Variants in KMT2E observed in about 807,000 individuals in gnomAD.
KMT2E encodes the protein lysine methyltransferase 2E (inactive).
A neutral mutation model predicts 184.6 loss-of-function variants in KMT2E; 30 were observed. The observed-to-expected ratio is 0.16, with a 90% CI of 0.12 to 0.22. The LOEUF is 0.22. Ranked by LOEUF, KMT2E falls within the 10% of genes least tolerant of loss-of-function variation. The probability of loss-of-function intolerance (pLI) is 1.00; values close to 1 mark genes in which losing one functional copy is unlikely to be tolerated. For synonymous variants in KMT2E, 815 were observed against 776.5 expected (o/e 1.05, Z -0.82); for missense variants, 2,023 against 2,237.4 (o/e 0.90, Z 1.93).
At chr7:105,017,378 G>A (rs1351426305) in intron 1 of KMT2E, among the ~76,000 whole-genome samples, 2 of 148,554 alleles carry the variant, frequency 1.3e-5, no homozygotes, top group Admixed American at 6.6e-5. Context: ...TTGCTTTATT[G>A]CTTTAGGTTT....
intron 2 of KMT2E, among the ~76,000 whole-genome samples, chr7:105,038,737 A>T (rs1393384961): frequency 2.0e-5 from 3 of 152,096 alleles, no homozygotes; most frequent in African/African-American, 4.8e-5. Flanking sequence ...TTCCCTTTTT[A>T]AAAAAACTAT....
intron 1 of KMT2E, among the ~76,000 whole-genome samples, chr7:105,029,728 C>G (rs1453108688): frequency 6.6e-6 from 1 of 152,118 alleles, no homozygotes; most frequent in Non-Finnish European, 1.5e-5. Flanking sequence ...GAAAGTTTCA[C>G]TTTGAAGGCT....
At chr7:105,067,852 G>C (rs538090379) in intron 6 of KMT2E, among the ~76,000 whole-genome samples, 1 of 152,182 alleles carries the variant, frequency 6.6e-6, no homozygotes, top group South Asian at 2.1e-4. Flanking sequence ...CACATCTGTA[G>C]TCCTAGCTGC....
At chr7:105,040,393 A>G (rs1187669285) in intron 2 of KMT2E, among the ~76,000 whole-genome samples, 3 of 152,180 alleles carry the variant, frequency 2.0e-5, no homozygotes, top group African/African-American at 7.2e-5. Context: ...CTCAGTGGTA[A>G]AATGGAGATA....
chr7:105,079,584 T>G (rs904248230), intron 12 of KMT2E, among the ~76,000 whole-genome samples: 1 of 132,002 alleles, frequency 7.6e-6, no homozygotes, highest in Non-Finnish European at 1.6e-5. Context: ...TGTGGTGTCA[T>G]GAGCACAGCT....
intron 3 of KMT2E, among the ~76,000 whole-genome samples, chr7:105,045,225 G>C (rs1399646890): frequency 1.3e-5 from 2 of 152,176 alleles, no homozygotes; most frequent in African/African-American, 2.4e-5. Context: ...TACATTGCCC[G>C]ATCTTGCAGC....
At chr7:105,051,852 G>T (rs1796362876) in intron 3 of KMT2E, among the ~76,000 whole-genome samples, 1 of 152,126 alleles carries the variant, frequency 6.6e-6, no homozygotes, top group South Asian at 2.1e-4. Flanking sequence ...ACTTCACAAA[G>T]TGCTGGGATT....
rs1796854346 is a variant in KMT2E at position 105,062,395 on chromosome 7, A to G, written c.186+117A>G. On this transcript the variant is annotated intron_variant, in intron 4 of 26. Transcript: ENST00000311117. ...AAAAGCATGGTTGTTTCATACTATC[A>G]AAATAATTAGGCGTTTAATTTTTCA... 2.3e-5 allele frequency: 13 copies of G among 572,110 alleles called. No individual in the cohort carries two copies. The South Asian group carries it at 2.8e-4, about 12-fold the overall frequency. The allele number at this position is 572,110 out of a possible 1,614,324, so 35.4% of individuals were successfully genotyped here.
chr7:105,100,181 GA>G (rs1328857335), intron 15 of KMT2E, among the ~76,000 whole-genome samples: 1 of 152,146 alleles, frequency 6.6e-6, no homozygotes, highest in Non-Finnish European at 1.5e-5. Context: ...TTGCAATATG[GA>G]AATTTGCTGT....
chr7:105,086,711 C>G (rs984819224), intron 13 of KMT2E, among the ~76,000 whole-genome samples: 8 of 147,054 alleles, frequency 5.4e-5, no homozygotes, highest in African/African-American at 1.5e-4. Flanking sequence ...GGTGACAGAG[C>G]GAGACTCCAT....
At chr7:105,035,073 G>A (rs1229512762) in intron 1 of KMT2E, among the ~76,000 whole-genome samples, 6 of 144,476 alleles carry the variant, frequency 4.2e-5, no homozygotes, top group African/African-American at 1.6e-4. Context: ...TGCCCAGGCT[G>A]GGGTGCAGTG....
chr7:105,107,573 T>C lies in KMT2E; in HGVS notation c.3116T>C (p.Leu1039Pro), dbSNP rs770470810. ...GAGCCAACTGCCCTACATAAAACCC[T>C]GGAAACGCCTGCACATGACAGGGCT... ...AVEPTALHKT[L>P]ETPAHDRAEP... The change falls in exon 22 of 27, where the codon CTG becomes CCG. Residue 1039 changes from leucine to proline, a missense_variant. By Grantham distance (98) the Leu-to-Pro change is moderately conservative (BLOSUM62 -3). Transcript: ENST00000311117. The C allele has an allele frequency of 7.4e-6, 12 of 1,614,076 alleles. No homozygotes were observed. In the South Asian group the frequency reaches 1.2e-4, roughly 16 times the overall value.
At chr7:105,021,435 CCTT>C (rs1456172669) in intron 1 of KMT2E, among the ~76,000 whole-genome samples, 1 of 152,166 alleles carries the variant, frequency 6.6e-6, no homozygotes, top group Non-Finnish European at 1.5e-5. Context: ...GTTTATTTCA[CCTT>C]CTTAAAAGCC....
At position 105,114,797 on chromosome 7, in the gene KMT2E, C is replaced by T. The variant is rs987297726; in HGVS notation, c.*1464C>T. 2.0e-5 allele frequency among the ~76,000 whole-genome samples: 3 copies of T among 152,142 alleles called. No homozygotes were observed. The highest frequency in any genetic ancestry group is 4.4e-5 in the Non-Finnish European group (3 of 68,024). On this transcript the variant is annotated 3_prime_UTR_variant, in exon 27 of 27. Coordinates refer to ENST00000311117, the MANE Select transcript of KMT2E (RefSeq NM_182931.3). Reference sequence around the variant, plus strand: ...TTTTGAAAATTAGCTAATGATGGTACATTAACGCAGCTCACTTAGGGCTCA... The same window carrying T: ...TTTTGAAAATTAGCTAATGATGGTATATTAACGCAGCTCACTTAGGGCTCA...
intron 3 of KMT2E, among the ~76,000 whole-genome samples, chr7:105,054,865 TTGGACTC>T (rs1467663743): frequency 3.3e-5 from 5 of 152,150 alleles, no homozygotes; most frequent in African/African-American, 4.8e-5. Context: ...AGTTACCACT[TTGGACTC>T]TGGATGCCAT....
chr7:105,105,790 C>G (rs191283459), intron 18 of KMT2E, 69 bp from the exon 19 acceptor site: 3 of 1,566,104 alleles, frequency 1.9e-6, no homozygotes, highest in African/African-American at 2.7e-5. Flanking sequence ...GGAATCGGCT[C>G]TGTATTTACA....
chr7:105,051,160 TCTTC>T (rs577925244), intron 3 of KMT2E, among the ~76,000 whole-genome samples: 1,527 of 150,262 alleles, frequency 0.01, 19 homozygotes, highest in African/African-American at 0.035. Flanking sequence ...TTCCTCCCTT[TCTTC>T]CTTCCTTCCT....
At chr7:105,014,820 C>T (rs1267185633) in intron 1 of KMT2E, among the ~76,000 whole-genome samples, 1 of 152,106 alleles carries the variant, frequency 6.6e-6, no homozygotes, top group Non-Finnish European at 1.5e-5. Flanking sequence ...GGGCGCACTC[C>T]TCATTGGCAG....
In KMT2E at chr7:105,110,650, T is replaced by C. The variant is rs763630698; in HGVS notation, c.3970+48T>C. 3.1e-6 allele frequency: 5 copies of C among 1,611,860 alleles called. No homozygotes were observed. In the Middle Eastern group the frequency reaches 5.0e-4, roughly 160 times the overall value. Reference sequence around the variant, plus strand: ...ATGTTATTCTTAACAAATTTTAAAATCAGACAAGAGAGCCTTTATAAAAAG... The same window carrying C: ...ATGTTATTCTTAACAAATTTTAAAACCAGACAAGAGAGCCTTTATAAAAAG... On this transcript the variant is annotated intron_variant, in intron 25 of 26. Transcript: ENST00000311117.
Sources: gnomAD v4.1 joint callset for allele counts (sites outside exome capture counted in the v4.1 genomes callset) on GRCh38, gnomAD v4.1.1 for gene constraint, MANE v1.5 for transcripts, NCBI Gene and HGNC (gene_info 2026-07-23, HGNC 2026-07-21) for gene names.